Variants in HOGA1 observed in about 807,000 individuals in gnomAD.
HOGA1 encodes 4-hydroxy-2-oxoglutarate aldolase, mitochondrial.
A neutral mutation model predicts 34.3 loss-of-function variants in HOGA1; 30 were observed. That is an observed-to-expected ratio of 0.87 (90% CI 0.65 to 1.19). The LOEUF is 1.19. Among genes scored for constraint, HOGA1 ranks in the 50% most tolerant of loss-of-function variants. HOGA1 has a pLI of 0.00. For missense variants in HOGA1, 417 were observed against 436.5 expected (o/e 0.96, Z 0.40); for synonymous variants, 161 against 174.0 (o/e 0.93, Z 0.59).
intron 3 of HOGA1, 158 bp downstream of exon 3, chr10:97,599,374 A>G: frequency 1.2e-6 from 1 of 816,414 alleles, no homozygotes; most frequent in South Asian, 1.7e-5. Context: ...TTACCTGACC[A>G]CTCTGTGTTA....
Position 97,584,587 on chromosome 10 carries a change from C to G in HOGA1, c.-117C>G, listed in dbSNP as rs768560477. 12 of 962,366 alleles carry G rather than the reference C, an allele frequency of 1.2e-5. No individual in the cohort carries two copies. The highest frequency in any genetic ancestry group is 1.6e-5 in the African/African-American group (1 of 61,870). The allele number at this position is 962,366 out of a possible 1,614,324, so 59.6% of individuals were successfully genotyped here. ...CAGGCCTGCCCCAGTGGCCACAAGT[C>G]AGGGAGGCCGCAAATTTTTAACTAG... On this transcript the variant is annotated 5_prime_UTR_variant, in exon 1 of 7. Coordinates refer to ENST00000370646, the MANE Select transcript of HOGA1 (RefSeq NM_138413.4).
At chr10:97,601,719 C>A in intron 5 of HOGA1, 138 bp from the exon 6 acceptor site, 1 of 955,330 alleles carries the variant, frequency 1.0e-6, no homozygotes, top group Non-Finnish European at 1.7e-6. Context: ...ACTCACAGAG[C>A]ATGCCTTTGA....
chr10:97,611,205 TC>T (rs1439901326), intron 6 of HOGA1, among the ~76,000 whole-genome samples: 1 of 152,192 alleles, frequency 6.6e-6, no homozygotes, highest in Non-Finnish European at 1.5e-5. Context: ...AGCCTTGCTG[TC>T]TTCTCCCACC....
chr10:97,597,546 A>T (rs867632462), intron 1 of HOGA1, among the ~76,000 whole-genome samples: 2 of 152,178 alleles, frequency 1.3e-5, no homozygotes, highest in African/African-American at 4.8e-5. Context: ...ACGCAAAATA[A>T]AGCAATGAGA....
chr10:97,602,731 G>A (rs778272536), intron 6 of HOGA1: 8 of 443,382 alleles, frequency 1.8e-5, no homozygotes, highest in South Asian at 9.4e-5. Context: ...TTTTGCCCAG[G>A]CTGGAGTGCA....
At chr10:97,599,625 C>T (rs2041100021) in intron 3 of HOGA1, 55 bp from the exon 4 acceptor site, 1 of 1,610,594 alleles carries the variant, frequency 6.2e-7, no homozygotes, top group Middle Eastern at 2.0e-4. Context: ...GTCTCTGGCT[C>T]TTGGGACCTG....
chr10:97,602,522 A>G, intron 6 of HOGA1: 5 of 985,424 alleles, frequency 5.1e-6, no homozygotes, highest in Non-Finnish European at 6.0e-6. Context: ...GAGAACGCCC[A>G]TCAAGTTCAG....
chr10:97,590,099 G>A (rs376893298), intron 1 of HOGA1: 49 of 1,614,034 alleles, frequency 3.0e-5, no homozygotes, highest in Middle Eastern at 3.3e-4. Flanking sequence ...TGGGAGTGAA[G>A]AGGTCAGCTC....
At chr10:97,602,555 A>G in intron 6 of HOGA1, 1 of 985,444 alleles carries the variant, frequency 1.0e-6, no homozygotes, top group Non-Finnish European at 1.2e-6. Flanking sequence ...GTCTGAGGCA[A>G]CAGAAAAATA....
intron 5 of HOGA1, 35 bp from the exon 6 acceptor site, chr10:97,601,822 G>A (rs780545533): frequency 6.8e-6 from 11 of 1,611,882 alleles, no homozygotes; most frequent in Non-Finnish European, 9.3e-6. Context: ...GAGGGGAGAG[G>A]CTCTGGCTGA....
chr10:97,594,600 G>A (rs567394764), intron 1 of HOGA1, among the ~76,000 whole-genome samples: 3 of 151,968 alleles, frequency 2.0e-5, no homozygotes, highest in East Asian at 3.9e-4. Context: ...TGGTTCGCCC[G>A]CCTCGGCGTC....
At chr10:97,590,306 C>G in intron 1 of HOGA1, 2 of 1,613,818 alleles carry the variant, frequency 1.2e-6, no homozygotes, top group East Asian at 4.5e-5. Context: ...GATTGACACC[C>G]AGGGGCGGCA....
chr10:97,597,742 GC>G (rs1296179230), intron 1 of HOGA1, among the ~76,000 whole-genome samples: 9 of 152,060 alleles, frequency 5.9e-5, no homozygotes, highest in Admixed American at 5.9e-4. Context: ...GATCACCTGG[GC>G]CCAGGAATTC....
Position 97,611,728 on chromosome 10 carries a change from G to A in HOGA1, c.*69G>A, listed in dbSNP as rs1364961450. The stretch of plus-strand genomic sequence containing the variant: ...CTGCCTTGCACTTGCAGCCTGAAGC[G>A]GAGAGCACAGGGGGATGAGGGTGGC... On this transcript the variant is annotated 3_prime_UTR_variant, in exon 7 of 7. Coordinates refer to ENST00000370646, the MANE Select transcript of HOGA1 (RefSeq NM_138413.4). 1.4e-5 allele frequency: 21 copies of A among 1,538,642 alleles called. 1 individual carries two copies. The South Asian group carries it at 1.9e-4, about 14-fold the overall frequency.
At position 97,611,895 on chromosome 10, in the gene HOGA1, G is replaced by A; in HGVS notation, c.*236G>A. The stretch of plus-strand genomic sequence containing the variant: ...TCCTAAACTGTGTCTCTGGTCTGAA[G>A]ACTGGGAAGGAGCAATTTCTCAATT... On this transcript the variant is annotated 3_prime_UTR_variant, in exon 7 of 7. Transcript: ENST00000370646. The A allele has an allele frequency of 1.8e-6, 1 of 564,612 alleles. No homozygotes were observed. The highest frequency in any genetic ancestry group is 3.2e-6 in the Non-Finnish European group (1 of 317,178). The allele number at this position is 564,612 out of a possible 1,614,324, so 35.0% of individuals were successfully genotyped here. A position where few individuals can be genotyped will look rare whatever the true frequency, so the allele number is the denominator to read the frequency against.
chr10:97,598,426 A>C (rs2041087258), intron 1 of HOGA1, among the ~76,000 whole-genome samples: 2 of 152,268 alleles, frequency 1.3e-5, no homozygotes, highest in African/African-American at 2.4e-5. Context: ...AGCTCAAAAA[A>C]TAGTATTAAA....
chr10:97,610,360 G>C (rs143645522), intron 6 of HOGA1, among the ~76,000 whole-genome samples: 2,453 of 152,272 alleles, frequency 0.016, 60 homozygotes, highest in African/African-American at 0.055. Context: ...CCAAGGTGCT[G>C]TGGAGGCTGA....
At chr10:97,594,168 C>CTTTTTT (rs71007354) in intron 1 of HOGA1, among the ~76,000 whole-genome samples, 2 of 43,432 alleles carry the variant, frequency 4.6e-5, no homozygotes, top group East Asian at 8.0e-4. Flanking sequence ...TGCGCCTGGT[C>CTTTTTT]TTTTTTTTTT....
chr10:97,604,095 A>T (rs572423504), intron 6 of HOGA1, among the ~76,000 whole-genome samples: 1 of 152,300 alleles, frequency 6.6e-6, no homozygotes, highest in South Asian at 2.1e-4. Flanking sequence ...TTGCCTTCAC[A>T]GGCTCCTTAA....
Sources: gnomAD v4.1 joint callset for allele counts (sites outside exome capture counted in the v4.1 genomes callset) on GRCh38, gnomAD v4.1.1 for gene constraint, MANE v1.5 for transcripts, NCBI Gene and HGNC (gene_info 2026-07-23, HGNC 2026-07-21) for gene names.